FBRSL1: variants seen among roughly 807,000 people sequenced by gnomAD.
The protein encoded by FBRSL1 is fibrosin like 1, also known as fibrosin-1-like protein.
A neutral mutation model predicts 89.6 loss-of-function variants in FBRSL1; 51 were observed. That is an observed-to-expected ratio of 0.57 (90% CI 0.45 to 0.72). The LOEUF is 0.72. Ranked by LOEUF, FBRSL1 falls within the 30% of genes least tolerant of loss-of-function variation. The pLI is 0.00. For missense variants in FBRSL1, 1,618 were observed against 1,451.8 expected (o/e 1.11, Z -1.86); for synonymous variants, 779 against 681.1 (o/e 1.14, Z -2.24).
At chr12:132,567,574 A>G (rs1203234295) in intron 6 of FBRSL1, 48 bp downstream of exon 6, 13 of 1,525,360 alleles carry the variant, frequency 8.5e-6, no homozygotes, top group African/African-American at 1.4e-5. Flanking sequence ...AAGAGACACA[A>G]TGCGCCCTGC....
At position 132,582,206 on chromosome 12, in the gene FBRSL1, G is replaced by T. The variant is rs1472973063; in HGVS notation, c.2141G>T (p.Arg714Leu). The change falls in exon 18 of 19, where the codon CGG becomes CTG. Residue 714 changes from arginine (R) to leucine (L), a missense_variant. Transcript: ENST00000680143. Reference protein sequence around the residue: ...PPWPKSVDAERVSALTNHDRE... With the variant: ...PPWPKSVDAELVSALTNHDRE... ...TGGCCCAAGTCCGTGGACGCGGAGC[G>T]GGTGTCAGCCCTGACCAACCATGAC... 4.5e-6 allele frequency: 7 copies of T among 1,550,184 alleles called. No homozygotes were observed. In the Admixed American group the frequency reaches 1.4e-4, roughly 30 times the overall value.
At position 132,583,017 on chromosome 12, in the gene FBRSL1, A is replaced by G. The variant is rs1244813541; in HGVS notation, c.2248A>G (p.Thr750Ala). ...TRLLSRASPATPAGHPVSGLL... is the reference protein window; with the variant it reads ...TRLLSRASPAAPAGHPVSGLL... Reference sequence around the variant, plus strand: ...CCTGCTGAGCCGGGCCTCGCCCGCCACCCCCGCTGGCCACCCCGTCAGCGG... The same window carrying G: ...CCTGCTGAGCCGGGCCTCGCCCGCCGCCCCCGCTGGCCACCCCGTCAGCGG... Residue 750 changes from threonine to alanine, a missense_variant, in exon 19 of 19, where the codon ACC becomes GCC. Transcript: ENST00000680143. 44 of 1,454,006 alleles carry G rather than the reference A, an allele frequency of 3.0e-5. No homozygotes were observed. Among genetic ancestry groups the G allele is most frequent in the Non-Finnish European group, 4.0e-5 (44 of 1,110,952 alleles). 90.1% of individuals were successfully genotyped at this position (1,454,006 alleles called of 1,614,324 possible).
chr12:132,584,548 T>C lies in FBRSL1; in HGVS notation c.*770T>C, dbSNP rs1327564711. 6.6e-6 allele frequency: 1 copy of C among 152,222 alleles called. No homozygotes were observed. The highest frequency in any genetic ancestry group is 1.5e-5 in the Non-Finnish European group (1 of 68,032). 9.4% of individuals were successfully genotyped at this position (152,222 alleles called of 1,614,324 possible). ...AATGGCAGCAACTTTCCTTCAACTA[T>C]GCAAGCGCTTCCCGGCGGCTCTGCT... On this transcript the variant is annotated 3_prime_UTR_variant, in exon 19 of 19. Coordinates refer to ENST00000680143, the MANE Select transcript of FBRSL1 (RefSeq NM_001367871.1).
intron 4 of FBRSL1, among the ~76,000 whole-genome samples, chr12:132,540,469 C>T (rs888301299): frequency 1.3e-5 from 2 of 151,458 alleles, no homozygotes; most frequent in African/African-American, 4.9e-5. Context: ...GCCCGGGCCA[C>T]CTACCCACTC....
At position 132,570,573 on chromosome 12, in the gene FBRSL1, A is replaced by G. The variant is rs980674763; in HGVS notation, c.1213+33A>G. Reference sequence around the variant, plus strand: ...TCTCGGCCACAATCTCGCCCAGGGCAGGGGTTGGGGGGTGCGGGGACACGG... The same window carrying G: ...TCTCGGCCACAATCTCGCCCAGGGCGGGGGTTGGGGGGTGCGGGGACACGG... On this transcript the variant is annotated intron_variant, in intron 8 of 18. Coordinates refer to ENST00000680143, the MANE Select transcript of FBRSL1 (RefSeq NM_001367871.1). 11 of 1,464,972 alleles carry G rather than the reference A, an allele frequency of 7.5e-6. No individual in the cohort carries two copies. The African/African-American group carries it at 1.6e-4, about 21-fold the overall frequency. 90.7% of individuals were successfully genotyped at this position (1,464,972 alleles called of 1,614,324 possible).
In FBRSL1 at chr12:132,528,481, TG is replaced by T. The variant is rs1359536512; in HGVS notation, c.615+496del. On this transcript the variant is annotated intron_variant, in intron 4 of 18. Transcript: ENST00000680143. Reference sequence around the variant, plus strand: ...CGGACAGAAAGGCCTGGGCCCAGGCTGGGCAACACCCAGGGAGCCAGCACCC... The same window carrying T: ...CGGACAGAAAGGCCTGGGCCCAGGCTGGCAACACCCAGGGAGCCAGCACCC... Among the ~76,000 whole-genome samples, 12 of 152,008 alleles carry T rather than the reference TG, an allele frequency of 7.9e-5. No homozygotes were observed. In the South Asian group the frequency reaches 2.5e-3, roughly 32 times the overall value.
At chr12:132,535,779 G>T (rs778312450) in intron 4 of FBRSL1, among the ~76,000 whole-genome samples, 1 of 151,526 alleles carries the variant, frequency 6.6e-6, no homozygotes, top group African/African-American at 2.4e-5. Flanking sequence ...GTGAGTGCAC[G>T]TGTGTCCATG....
intron 5 of FBRSL1, among the ~76,000 whole-genome samples, chr12:132,563,743 C>G (rs78644250): frequency 0.075 from 7,930 of 105,210 alleles, 598 homozygotes; most frequent in Non-Finnish European, 0.12. Context: ...CCCCGAGCTC[C>G]TGTGCACCCC....
chr12:132,523,855 C>G (rs913186310), intron 2 of FBRSL1, among the ~76,000 whole-genome samples: 1 of 152,184 alleles, frequency 6.6e-6, no homozygotes, highest in African/African-American at 2.4e-5. Context: ...GAGTGGGACA[C>G]GTGGCTTCCT....
At chr12:132,567,578 G>A (rs11146939) in intron 6 of FBRSL1, 52 bp downstream of exon 6, 22,710 of 1,519,076 alleles carry the variant, frequency 0.015, 541 homozygotes, top group East Asian at 0.13. Context: ...GACACAATGC[G>A]CCCTGCGTCT....
chr12:132,575,995 A>C (rs10870472), intron 14 of FBRSL1, among the ~76,000 whole-genome samples: 1 of 151,996 alleles, frequency 6.6e-6, no homozygotes, highest in Non-Finnish European at 1.5e-5. Flanking sequence ...CCCAGTCTCC[A>C]CCCAAGCCTG....
intron 9 of FBRSL1, 26 bp downstream of exon 9, chr12:132,571,257 G>A (rs1354932125): frequency 1.4e-6 from 2 of 1,477,392 alleles, no homozygotes; most frequent in Middle Eastern, 1.8e-4. Context: ...GCCCCGCCGG[G>A]AGCCCGCGGC....
rs554057789 is a variant in FBRSL1 at position 132,499,784 on chromosome 12, C to T, written c.292-8369C>T. Among the ~76,000 whole-genome samples the T allele has an allele frequency of 6.6e-6, 1 of 152,146 alleles. No individual in the cohort carries two copies. Among genetic ancestry groups the T allele is most frequent in the African/African-American group, 2.4e-5 (1 of 41,494 alleles). On this transcript the variant is annotated intron_variant, in intron 1 of 18. Coordinates refer to ENST00000680143, the MANE Select transcript of FBRSL1 (RefSeq NM_001367871.1). The surrounding 1 kb of genome is among the most constrained non-coding windows in gnomAD (Gnocchi z 4.3). ...GATCAGGTGCTCTGGGGACTCAGGG[C>T]AAATGGGGTACTTGGTTCCACGTAC...
intron 4 of FBRSL1, among the ~76,000 whole-genome samples, chr12:132,536,354 A>G (rs945042503): frequency 6.9e-6 from 1 of 145,432 alleles, no homozygotes; most frequent in Non-Finnish European, 1.5e-5. Flanking sequence ...GTACATGACA[A>G]TATGATTGTG....
intron 2 of FBRSL1, among the ~76,000 whole-genome samples, chr12:132,514,430 C>G (rs540832728): frequency 1.3e-5 from 2 of 152,242 alleles, no homozygotes; most frequent in Non-Finnish European, 2.9e-5. Context: ...CTGAGCTGGA[C>G]TGGCATTGAC....
intron 1 of FBRSL1, among the ~76,000 whole-genome samples, chr12:132,502,351 C>A (rs2033090930): frequency 6.6e-6 from 1 of 152,360 alleles, no homozygotes; most frequent in Non-Finnish European, 1.5e-5. Flanking sequence ...CACCTCAGCC[C>A]TCCACCCCCG....
chr12:132,549,309 T>C (rs1357904374), intron 5 of FBRSL1, among the ~76,000 whole-genome samples: 1 of 152,122 alleles, frequency 6.6e-6, no homozygotes. Context: ...AGATGGACAC[T>C]GTTGGGGACG....
intron 1 of FBRSL1, among the ~76,000 whole-genome samples, chr12:132,498,488 A>G (rs1319863331): frequency 1.3e-5 from 2 of 152,046 alleles, no homozygotes; most frequent in African/African-American, 4.8e-5. Flanking sequence ...CTCTCATCCT[A>G]CAGACCCTCC....
intron 2 of FBRSL1, 117 bp from the exon 3 acceptor site, chr12:132,525,617 C>A: frequency 1.3e-6 from 1 of 789,268 alleles, no homozygotes; most frequent in Non-Finnish European, 2.1e-6. Context: ...GCTGTCGGGG[C>A]GCCTGGGGCC....
Sources: allele counts gnomAD v4.1 joint callset (sites outside exome capture counted in the v4.1 genomes callset), GRCh38; gene constraint gnomAD v4.1.1; non-coding constraint Gnocchi (gnomAD v3.1); transcripts MANE v1.5; gene names NCBI Gene and HGNC (gene_info 2026-07-23, HGNC 2026-07-21).